The following SLC6A20 variants were observed in gnomAD, a reference collection of about 807,000 sequenced individuals.
The protein encoded by SLC6A20 is sodium- and chloride-dependent transporter XTRP3.
SLC6A20 carries 73 observed loss-of-function variants against 64.3 expected under a neutral mutation model. The observed-to-expected ratio is 1.14, with a 90% CI of 0.94 to 1.38. SLC6A20 has a LOEUF of 1.38. SLC6A20 is among the 40% of genes most tolerant of loss of function. The pLI, the probability that SLC6A20 is intolerant of heterozygous loss-of-function variation, is 0.00. For missense variants in SLC6A20, 725 were observed against 772.8 expected, an observed-to-expected ratio of 0.94 and a Z score of 0.73; for synonymous variants, 347 against 329.6, an observed-to-expected ratio of 1.05 and a Z score of -0.57.
chr3:45,761,509 T>C (rs965046935), intron 9 of SLC6A20, among the ~76,000 whole-genome samples: 16 of 152,156 alleles, frequency 1.1e-4, no homozygotes, highest in Admixed American at 2.6e-4. Flanking sequence ...CTTCTCTTTT[T>C]ATCCTGAAAC....
At chr3:45,774,693 G>A (rs532357191) in intron 4 of SLC6A20, among the ~76,000 whole-genome samples, 1 of 152,304 alleles carries the variant, frequency 6.6e-6, no homozygotes, top group South Asian at 2.1e-4. Flanking sequence ...GGTGTGGCTG[G>A]AGGAGACAAC....
At position 45,782,079 on chromosome 3, in the gene SLC6A20, G is replaced by A. The variant is rs777914805; in HGVS notation, c.262+4C>T. On this transcript the variant is annotated splice_donor_region_variant and intron_variant, in intron 2 of 10. Transcript: ENST00000358525. Reference sequence around the variant, plus strand: ...TGGGAGAGGACTGGAGGGGCCCCACGTACCGACACCACTGAGGTACGGGCT... The same window carrying A: ...TGGGAGAGGACTGGAGGGGCCCCACATACCGACACCACTGAGGTACGGGCT... The A allele has an allele frequency of 9.3e-5, 149 of 1,601,348 alleles. No homozygotes were observed. The East Asian group carries it at 1.3e-3, about 14-fold the overall frequency.
intron 6 of SLC6A20, 133 bp downstream of exon 6, chr3:45,771,084 T>C (rs1269824690): frequency 1.5e-6 from 2 of 1,313,828 alleles, no homozygotes; most frequent in Non-Finnish European, 1.0e-6. Context: ...CTGGTGGTGG[T>C]GTAGGGAGTC....
At chr3:45,759,219 G>C (rs1279787214) in intron 10 of SLC6A20, 92 bp from the exon 11 acceptor site, 4 of 1,364,202 alleles carry the variant, frequency 2.9e-6, no homozygotes, top group African/African-American at 1.5e-5. Flanking sequence ...GTGATGTGAC[G>C]TGGGCAGAGA....
intron 8 of SLC6A20, among the ~76,000 whole-genome samples, chr3:45,763,684 T>TC (rs544158895): frequency 6.6e-6 from 1 of 151,708 alleles, no homozygotes; most frequent in Non-Finnish European, 1.5e-5. Flanking sequence ...TGTCTAAGGC[T>TC]CCCCCGACAT....
chr3:45,795,678 C>T (rs1056886918), intron 1 of SLC6A20, among the ~76,000 whole-genome samples: 4 of 152,268 alleles, frequency 2.6e-5, no homozygotes, highest in Admixed American at 2.0e-4. Context: ...GCGGTAAGAG[C>T]GCGTGGCTGG....
rs201244973 is a variant in SLC6A20, at chr3:45,776,009, T to C, written c.355-21A>G. On this transcript the variant is annotated intron_variant, in intron 3 of 10. Coordinates refer to ENST00000358525, the MANE Select transcript of SLC6A20 (RefSeq NM_020208.4). The stretch of plus-strand genomic sequence containing the variant: ...GGATCCTGTGGGACCAAAGCAAGTG[T>C]TATCCAGGGAGGTGAAGGCTGAGGA... 195 of 1,611,740 alleles carry C rather than the reference T, an allele frequency of 1.2e-4. No individual in the cohort carries two copies. In the African/African-American group the frequency reaches 2.4e-3, roughly 20 times the overall value.
At chr3:45,771,492 C>G in intron 5 of SLC6A20, 34 bp from the exon 6 acceptor site, 1 of 1,610,658 alleles carries the variant, frequency 6.2e-7, no homozygotes, top group Non-Finnish European at 8.5e-7. Context: ...CTGATGATCC[C>G]TGGGTGGAAT....
intron 2 of SLC6A20, among the ~76,000 whole-genome samples, chr3:45,780,993 G>A (rs1164917134): frequency 6.6e-6 from 1 of 152,132 alleles, no homozygotes; most frequent in African/African-American, 2.4e-5. Flanking sequence ...GCTTATTCAG[G>A]CAGATTGTAA....
chr3:45,762,233 T>C (rs1415425747), intron 9 of SLC6A20, among the ~76,000 whole-genome samples: 2 of 152,228 alleles, frequency 1.3e-5, no homozygotes, highest in Admixed American at 1.3e-4. Flanking sequence ...CAAAGCTCTC[T>C]AGGCCAGTGG....
chr3:45,768,696 A>C (rs1699813430), intron 7 of SLC6A20, among the ~76,000 whole-genome samples: 1 of 152,242 alleles, frequency 6.6e-6, no homozygotes, highest in Non-Finnish European at 1.5e-5. Context: ...AAAGTGCCAA[A>C]CAAACCAAAC....
intron 7 of SLC6A20, among the ~76,000 whole-genome samples, chr3:45,766,984 A>G (rs1012393355): frequency 3.3e-5 from 5 of 152,230 alleles, no homozygotes; most frequent in African/African-American, 1.2e-4. Context: ...CTAAAAGTAA[A>G]TAAAAGAAAA....
At chr3:45,793,847 G>T (rs187623501) in intron 1 of SLC6A20, among the ~76,000 whole-genome samples, 1 of 152,288 alleles carries the variant, frequency 6.6e-6, no homozygotes, top group Admixed American at 6.5e-5. Flanking sequence ...GCCTGGGTTT[G>T]GGGCAACACA....
intron 3 of SLC6A20, 91 bp downstream of exon 3, chr3:45,779,918 T>C: frequency 7.2e-7 from 1 of 1,393,456 alleles, no homozygotes; most frequent in Admixed American, 2.0e-5. Context: ...CTGCTCACCT[T>C]GCCCCACACC....
intron 1 of SLC6A20, among the ~76,000 whole-genome samples, chr3:45,795,335 T>A (rs1266253250): frequency 1.2e-4 from 18 of 152,240 alleles, no homozygotes; most frequent in Admixed American, 1.2e-3. Flanking sequence ...AATACAATTT[T>A]TTTTTTGAAA....
chr3:45,776,019 A>G, intron 3 of SLC6A20, 31 bp from the exon 4 acceptor site: 1 of 1,607,012 alleles, frequency 6.2e-7, no homozygotes, highest in Non-Finnish European at 8.5e-7. Flanking sequence ...TTATCCAGGG[A>G]GGTGAAGGCT....
intron 10 of SLC6A20, 80 bp downstream of exon 10, chr3:45,759,777 C>T: frequency 6.7e-7 from 1 of 1,499,810 alleles, no homozygotes; most frequent in Non-Finnish European, 8.9e-7. Context: ...GAAATAGTCC[C>T]CTGGTTTCGG....
rs1418186905 is a variant in SLC6A20 at position 45,776,061 on chromosome 3, G to A, written c.355-73C>T. ...AAAGGCTGTGGCAGGGGTGAGGGAGGTGGCCCTGAGCGGAGACTCTTGGAA... is the reference window on the plus strand; with the variant it reads ...AAAGGCTGTGGCAGGGGTGAGGGAGATGGCCCTGAGCGGAGACTCTTGGAA... On this transcript the variant is annotated intron_variant, in intron 3 of 10. Transcript: ENST00000358525. 22 of 1,446,792 alleles carry A rather than the reference G, an allele frequency of 1.5e-5. No homozygotes were observed. In the East Asian group the frequency reaches 5.0e-4, roughly 33 times the overall value. 89.6% of individuals were successfully genotyped at this position (1,446,792 alleles called of 1,614,324 possible).
intron 9 of SLC6A20, among the ~76,000 whole-genome samples, chr3:45,760,575 G>C (rs1699655710): frequency 6.6e-6 from 1 of 152,158 alleles, no homozygotes; most frequent in Non-Finnish European, 1.5e-5. Flanking sequence ...TGCTGGAGCT[G>C]GTCTAGAGTG....
Sources: allele counts gnomAD v4.1 joint callset (sites outside exome capture counted in the v4.1 genomes callset), GRCh38; gene constraint gnomAD v4.1.1; transcripts MANE v1.5; gene names NCBI Gene and HGNC (gene_info 2026-07-23, HGNC 2026-07-21).